The following CD163L1 variants were observed in gnomAD, a reference collection of about 807,000 sequenced individuals.
CD163L1 encodes scavenger receptor cysteine-rich type 1 protein M160.
In CD163L1, 124 loss-of-function variants were observed where a neutral mutation model predicts 165.4. The observed-to-expected ratio is 0.75, with a 90% CI of 0.65 to 0.87. The LOEUF (loss-of-function observed/expected upper bound fraction) is 0.87, where lower values mean the gene tolerates loss of function less well. Ranked by LOEUF, CD163L1 falls within the 40% of genes least tolerant of loss-of-function variation. The probability of loss-of-function intolerance (pLI) is 0.00; values close to 1 mark genes in which losing one functional copy is unlikely to be tolerated. For synonymous variants in CD163L1, 585 were observed against 662.2 expected, an observed-to-expected ratio of 0.88 and a Z score of 1.79; for missense variants, 1,525 against 1,799.9, an observed-to-expected ratio of 0.85 and a Z score of 2.76.
chr12:7,322,438 G>A, the CD163L1 span: 77 of 1,613,644 alleles, frequency 4.8e-5, 1 homozygote, highest in South Asian at 4.4e-4. Context: ...AAGAGTCTGC[G>A]GCACTGCTTG....
rs1422301902 is a variant in CD163L1 at position 7,399,318 on chromosome 12, CTTCTCTCTCTTCTTTCA to C, written c.1409-751_1409-735del. ...TTTCTCTCCTTTCTTTCTTTTCTTT[CTTCTCTCTCTTCTTTCA>C]TTCTCTCTTCTTTCATTCTCTCTTC... On this transcript the variant is annotated intron_variant, in intron 6 of 19. Transcript: ENST00000313599. Among the ~76,000 whole-genome samples, 77 of 138,782 alleles carry C rather than the reference CTTCTCTCTCTTCTTTCA, an allele frequency of 5.5e-4. 2 individuals are homozygous for C. In the South Asian group the frequency reaches 0.017, roughly 31 times the overall value. The allele number at this position is 138,782 out of a possible 152,430, so 91.0% of individuals were successfully genotyped here.
chr12:7,332,177 G>A, the CD163L1 span, among the ~76,000 whole-genome samples: 1 of 152,162 alleles, frequency 6.6e-6, no homozygotes, highest in Non-Finnish European at 1.5e-5. Flanking sequence ...GGAAGAAAGG[G>A]TATCAGCAAT....
chr12:7,327,835 C>T, the CD163L1 span, among the ~76,000 whole-genome samples: 1 of 152,034 alleles, frequency 6.6e-6, no homozygotes, highest in East Asian at 1.9e-4. Context: ...GAGAAGAGAA[C>T]AAAAAGAGGA....
At position 7,396,417 on chromosome 12, in the gene CD163L1, T is replaced by C. The variant is rs1488955756; in HGVS notation, c.1730-2A>G. 2.5e-6 allele frequency: 4 copies of C among 1,597,398 alleles called. No individual in the cohort carries two copies. Among genetic ancestry groups the C allele is most frequent in the Non-Finnish European group, 2.6e-6 (3 of 1,168,400 alleles). On this transcript the variant is annotated splice_acceptor_variant, in intron 7 of 19. Coordinates refer to ENST00000313599, the MANE Select transcript of CD163L1 (RefSeq NM_174941.6). LOFTEE classifies it high-confidence loss of function. ...GCCTCAGGCCCCATGTTGCATCACC[T>C]GCACCAAGAACAATGAAGCAAGTAG...
At chr12:7,381,702 G>A (rs1305737792) in intron 8 of CD163L1, among the ~76,000 whole-genome samples, 1 of 152,000 alleles carries the variant, frequency 6.6e-6, no homozygotes, top group Non-Finnish European at 1.5e-5. Flanking sequence ...TGTGGTGGTG[G>A]GGAGGGTGGG....
At position 7,396,175 on chromosome 12, in the gene CD163L1, G is replaced by A. The variant is rs756730059; in HGVS notation, c.1970C>T (p.Ser657Leu). Reference protein sequence around the residue: ...LDDVSCDGDESDLWSCRNSGW... With the variant: ...LDDVSCDGDELDLWSCRNSGW... ...ACTGTTCCTGCATGACCAGAGATCT[G>A]ACTCATCTCCATCACAGGAAACATC... is the stretch of plus-strand genomic sequence containing the variant. Residue 657 changes from serine (S) to leucine (L), a missense_variant, in exon 8 of 20, where the codon TCA becomes TTA. By Grantham distance (145) the Ser-to-Leu change is moderately radical. Transcript: ENST00000313599. 6.2e-6 allele frequency: 10 copies of A among 1,613,984 alleles called. No individual in the cohort carries two copies. In the African/African-American group the frequency reaches 1.2e-4, roughly 19 times the overall value.
chr12:7,351,456 C>T (rs922476707), downstream of CD163L1, among the ~76,000 whole-genome samples: 1 of 152,044 alleles, frequency 6.6e-6, no homozygotes, highest in African/African-American at 2.4e-5. Context: ...TGTGGTCTCA[C>T]GTGGTGAAGA....
intron 8 of CD163L1, among the ~76,000 whole-genome samples, chr12:7,388,477 T>C (rs898126719): frequency 2.6e-5 from 4 of 152,074 alleles, no homozygotes; most frequent in African/African-American, 9.7e-5. Context: ...ACATGGTGGC[T>C]CAAGCCTATA....
intron 2 of CD163L1, among the ~76,000 whole-genome samples, chr12:7,440,740 C>T (rs1948820893): frequency 6.6e-6 from 1 of 151,374 alleles, no homozygotes; most frequent in Admixed American, 6.6e-5. Context: ...AATTCTTCCA[C>T]TTCAGCCCCC....
intron 8 of CD163L1, among the ~76,000 whole-genome samples, chr12:7,393,540 C>T (rs1947707068): frequency 1.3e-5 from 2 of 152,200 alleles, no homozygotes; most frequent in Non-Finnish European, 1.5e-5. Flanking sequence ...TCTTACCACT[C>T]CTATTCAACA....
Position 7,369,581 on chromosome 12 carries a change from T to A in CD163L1, c.3815A>T (p.Asp1272Val). 1.2e-6 allele frequency: 2 copies of A among 1,614,160 alleles called. No individual in the cohort carries two copies. The highest frequency in any genetic ancestry group is 1.7e-6 in the Non-Finnish European group (2 of 1,180,018). Residue 1272 changes from aspartate to valine, a missense_variant, in exon 15 of 20, where the codon GAT (aspartate) becomes GTT (valine). Physicochemically the swap from Asp to Val is radical, Grantham distance 152. Coordinates refer to ENST00000313599, the MANE Select transcript of CD163L1 (RefSeq NM_174941.6). The surrounding 1 kb of genome is among the most constrained non-coding windows in gnomAD (Gnocchi z 4.9). ...WHAGSWGTVCDDSWDLAEAEV... is the reference protein window; with the variant it reads ...WHAGSWGTVCVDSWDLAEAEV... ...CGCCTCGGCCAGGTCCCAGGAGTCA[T>A]CACACACTGTGCCCCAGGAGCCTGC...
At chr12:7,323,560 G>A in the CD163L1 span, 1 of 1,610,928 alleles carries the variant, frequency 6.2e-7, no homozygotes, top group African/African-American at 1.3e-5. Context: ...CTAAATATGT[G>A]GTATGAGGAT....
the CD163L1 span, among the ~76,000 whole-genome samples, chr12:7,330,801 G>A: frequency 3.9e-5 from 6 of 152,242 alleles, no homozygotes; most frequent in Non-Finnish European, 5.9e-5. Context: ...CCTCTGGCAA[G>A]GTGGCAGGTC....
chr12:7,435,485 T>C (rs750587101), intron 2 of CD163L1, among the ~76,000 whole-genome samples: 3 of 151,946 alleles, frequency 2.0e-5, no homozygotes, highest in African/African-American at 7.2e-5. Flanking sequence ...CCTAAACTTA[T>C]TAGTCTTTAG....
intron 8 of CD163L1, among the ~76,000 whole-genome samples, chr12:7,387,460 C>T (rs575271644): frequency 2.6e-4 from 40 of 152,250 alleles, no homozygotes; most frequent in Non-Finnish European, 4.3e-4. Flanking sequence ...AAATTTGATT[C>T]TCAATGTCAG....
chr12:7,408,709 T>C (rs1948077113), intron 4 of CD163L1, among the ~76,000 whole-genome samples: 1 of 152,222 alleles, frequency 6.6e-6, no homozygotes, highest in Non-Finnish European at 1.5e-5. Context: ...ACCTTGGATC[T>C]AGGCATACTC....
chr12:7,411,969 C>T (rs148042436), intron 4 of CD163L1, among the ~76,000 whole-genome samples: 169 of 152,366 alleles, frequency 1.1e-3, no homozygotes, highest in African/African-American at 3.7e-3. Flanking sequence ...TGGACATTGA[C>T]ATTTCCCACT....
At chr12:7,433,141 T>G (rs1948657436) in intron 3 of CD163L1, among the ~76,000 whole-genome samples, 2 of 152,138 alleles carry the variant, frequency 1.3e-5, no homozygotes, top group South Asian at 4.1e-4. Flanking sequence ...TGTAATGCAT[T>G]CTCTCTCTGT....
At position 7,368,101 on chromosome 12, in the gene CD163L1, T is replaced by A. The variant is rs895603797; in HGVS notation, c.4169A>T (p.His1390Leu). ...GGGGCTCTCACCTCTGAGGGGCAGA[T>A]GTTTTTGTTTCTGAACTCGGCACCA... ...LTWCRVQKQK[H>L]LPLRVSTRRR... The change falls in exon 17 of 20, where the codon CAT becomes CTT. Residue 1390 changes from histidine (H) to leucine (L), a missense_variant. Physicochemically the swap from His to Leu is moderately conservative, Grantham distance 99. Transcript: ENST00000313599. The surrounding 1 kb of genome is among the most constrained non-coding windows in gnomAD (Gnocchi z 4.3). 2 of 1,603,136 alleles carry A rather than the reference T, an allele frequency of 1.2e-6. No individual in the cohort carries two copies. The highest frequency in any genetic ancestry group is 2.7e-5 in the African/African-American group (2 of 74,766).
Sources: gnomAD v4.1 joint callset for allele counts (sites outside exome capture counted in the v4.1 genomes callset) on GRCh38, gnomAD v4.1.1 for gene constraint, Gnocchi (gnomAD v3.1) non-coding constraint, MANE v1.5 for transcripts, NCBI Gene and HGNC (gene_info 2026-07-23, HGNC 2026-07-21) for gene names.